ARSG: variants seen among roughly 807,000 people sequenced by gnomAD.
ARSG encodes the protein ASG.
Under a neutral mutation model 50.5 loss-of-function variants are expected in ARSG, and 37 were observed. The ratio of observed to expected loss-of-function variants is 0.73; its 90% CI spans 0.56 to 0.96. The LOEUF (loss-of-function observed/expected upper bound fraction) is 0.96, where lower values mean the gene tolerates loss of function less well. Among genes scored for constraint, ARSG ranks in the 50% least tolerant of loss-of-function variants. The probability of loss-of-function intolerance (pLI) is 0.00; values close to 1 mark genes in which losing one functional copy is unlikely to be tolerated. For synonymous variants in ARSG, 225 were observed against 254.6 expected (o/e 0.88, Z 1.11); for missense variants, 629 against 675.3 (o/e 0.93, Z 0.76).
the ARSG span, among the ~76,000 whole-genome samples, chr17:68,449,278 AGCACT>A: frequency 6.6e-6 from 1 of 152,222 alleles, no homozygotes; most frequent in Non-Finnish European, 1.5e-5. Flanking sequence ...GTATCTACCA[AGCACT>A]GCCTTTTCTA....
chr17:68,310,782 C>CACCCACTCCAGTTCTT (rs1424439736), intron 2 of ARSG, among the ~76,000 whole-genome samples: 3 of 152,208 alleles, frequency 2.0e-5, no homozygotes, highest in African/African-American at 4.8e-5. Flanking sequence ...CATCTGGTCT[C>CACCCACTCCAGTTCTT]ACCCACTCCA....
At chr17:68,276,824 AC>A (rs2075538913) in intron 1 of ARSG, among the ~76,000 whole-genome samples, 1 of 152,178 alleles carries the variant, frequency 6.6e-6, no homozygotes, top group African/African-American at 2.4e-5. Flanking sequence ...TTTCTGACAG[AC>A]CAATGAACTC....
intron 11 of ARSG, among the ~76,000 whole-genome samples, chr17:68,409,457 C>G (rs1476676732): frequency 6.6e-6 from 1 of 151,022 alleles, no homozygotes; most frequent in Non-Finnish European, 1.5e-5. Context: ...TTCCTGAGGG[C>G]TCTGTTCTGT....
At chr17:68,425,370 A>AT (rs1199696812), downstream of ARSG, among the ~76,000 whole-genome samples, 1 of 136,296 alleles carries the variant, frequency 7.3e-6, no homozygotes, top group African/African-American at 2.9e-5. Context: ...CACCCGGCTA[A>AT]TTTTTTCTTT....
intron 1 of ARSG, among the ~76,000 whole-genome samples, chr17:68,275,661 G>A (rs968140693): frequency 1.4e-4 from 22 of 152,012 alleles, no homozygotes; most frequent in Non-Finnish European, 2.9e-5. Flanking sequence ...TTCTAAGAAG[G>A]TAATTAAGCA....
intron 2 of ARSG, among the ~76,000 whole-genome samples, chr17:68,342,085 G>A (rs2078294001): frequency 6.6e-6 from 1 of 152,036 alleles, no homozygotes; most frequent in African/African-American, 2.4e-5. Flanking sequence ...CTCCCAAAGT[G>A]CTGGGATTAA....
intron 2 of ARSG, among the ~76,000 whole-genome samples, chr17:68,339,948 G>A (rs759836317): frequency 1.9e-4 from 29 of 152,274 alleles, no homozygotes; most frequent in Non-Finnish European, 2.8e-4. Flanking sequence ...ATTAGCTGGG[G>A]GATGGGTTGA....
At chr17:68,354,232 T>G in intron 5 of ARSG, among the ~76,000 whole-genome samples, 1 of 148,690 alleles carries the variant, frequency 6.7e-6, no homozygotes, top group Non-Finnish European at 1.5e-5. Flanking sequence ...ATCAGCTTGG[T>G]CAACACAACA....
At chr17:68,301,561 T>C (rs1299306686) in intron 1 of ARSG, among the ~76,000 whole-genome samples, 5 of 152,206 alleles carry the variant, frequency 3.3e-5, no homozygotes, top group Non-Finnish European at 7.3e-5. Context: ...CCTGGACCCA[T>C]GCAAGAGACT....
chr17:68,390,268 C>T (rs1485721553), intron 9 of ARSG, among the ~76,000 whole-genome samples: 1 of 152,104 alleles, frequency 6.6e-6, no homozygotes, highest in African/African-American at 2.4e-5. Context: ...CTCCTCGCCA[C>T]CACTGCCCCA....
chr17:68,311,692 A>G (rs566000439), intron 2 of ARSG, among the ~76,000 whole-genome samples: 123 of 152,100 alleles, frequency 8.1e-4, no homozygotes, highest in African/African-American at 2.9e-3. Context: ...ACCGCTGGCA[A>G]CCAGCAGAAC....
intron 5 of ARSG, among the ~76,000 whole-genome samples, chr17:68,355,337 T>C (rs1599854910): frequency 6.6e-6 from 1 of 152,212 alleles, no homozygotes; most frequent in Admixed American, 6.5e-5. Context: ...TTCATTTCAA[T>C]CTGTAAGACC....
intron 2 of ARSG, among the ~76,000 whole-genome samples, chr17:68,313,671 C>A (rs756635947): frequency 1.5e-5 from 2 of 134,000 alleles, no homozygotes; most frequent in African/African-American, 2.7e-5. Flanking sequence ...TATTACGTAT[C>A]TCTCTCTCTC....
the ARSG span, among the ~76,000 whole-genome samples, chr17:68,450,291 C>A: frequency 2.1e-3 from 315 of 152,324 alleles, 12 homozygotes; most frequent in East Asian, 0.05. Context: ...ACCCAGGGAG[C>A]CCCCACTTCA....
downstream of ARSG, chr17:68,425,979 G>GA (rs989613626): frequency 7.1e-5 from 66 of 935,598 alleles, no homozygotes; most frequent in African/African-American, 9.7e-4. Flanking sequence ...TTATAGATTA[G>GA]AAAACAGGGA....
intron 2 of ARSG, among the ~76,000 whole-genome samples, chr17:68,331,237 C>G (rs62087158): frequency 0.12 from 8,595 of 71,688 alleles, 492 homozygotes; most frequent in Non-Finnish European, 0.14. Context: ...TTCTTTGTTT[C>G]TTTCTTTCTT....
chr17:68,408,128 T>TTTA (rs779377565), intron 11 of ARSG, among the ~76,000 whole-genome samples: 1 of 152,054 alleles, frequency 6.6e-6, no homozygotes, highest in Non-Finnish European at 1.5e-5. Context: ...TATTTCTTTT[T>TTTA]TTATTATTAT....
chr17:68,260,456 A>T (rs2075055479), intron 1 of ARSG, among the ~76,000 whole-genome samples: 1 of 152,136 alleles, frequency 6.6e-6, no homozygotes, highest in Admixed American at 6.6e-5. Flanking sequence ...CAGTCTATAT[A>T]CTTCTGCCTT....
chr17:68,344,465 T>A (rs911325255), intron 3 of ARSG, among the ~76,000 whole-genome samples: 2 of 152,230 alleles, frequency 1.3e-5, no homozygotes, highest in Non-Finnish European at 2.9e-5. Flanking sequence ...CTTTAAAACA[T>A]TTTTTTAGGC....
Sources: gnomAD v4.1 joint callset for allele counts (sites outside exome capture counted in the v4.1 genomes callset) on GRCh38, gnomAD v4.1.1 for gene constraint, MANE v1.5 for transcripts, NCBI Gene and HGNC (gene_info 2026-07-23, HGNC 2026-07-21) for gene names.